Variants in MGAT4C observed in about 807,000 individuals in gnomAD.
MGAT4C encodes MGAT4 family member C.
In MGAT4C, 19 loss-of-function variants were observed where a neutral mutation model predicts 40.1. That is an observed-to-expected ratio of 0.47 (90% CI 0.33 to 0.70). MGAT4C has a LOEUF of 0.70. MGAT4C is among the 30% of genes least tolerant of loss of function. The pLI, the probability that MGAT4C is intolerant of heterozygous loss-of-function variation, is 0.02. For missense variants in MGAT4C, 491 were observed against 563.2 expected (o/e 0.87, Z 1.30); for synonymous variants, 181 against 187.1 (o/e 0.97, Z 0.27).
At chr12:86,647,671 C>A (rs1963580127) in intron 2 of MGAT4C, among the ~76,000 whole-genome samples, 1 of 151,856 alleles carries the variant, frequency 6.6e-6, no homozygotes. Context: ...CTGCCCCCAT[C>A]TGATATATAA....
chr12:85,987,096 G>GT (rs1451591522), intron 3 of MGAT4C, among the ~76,000 whole-genome samples: 1 of 98,726 alleles, frequency 1.0e-5, no homozygotes, highest in Admixed American at 9.8e-5. Context: ...TCCAACTTTT[G>GT]TAAGTATTTT....
chr12:86,570,311 T>TTGTC (rs111427199), intron 2 of MGAT4C, among the ~76,000 whole-genome samples: 2 of 151,490 alleles, frequency 1.3e-5, no homozygotes, highest in African/African-American at 4.9e-5. Context: ...TATATAATAT[T>TTGTC]TGTCAATTAA....
At chr12:86,141,889 G>C (rs1055978718) in intron 1 of MGAT4C, among the ~76,000 whole-genome samples, 2 of 152,118 alleles carry the variant, frequency 1.3e-5, no homozygotes, top group African/African-American at 4.8e-5. Context: ...GCCAAGAAGA[G>C]ACCCGACAAA....
chr12:86,502,680 T>TTCTGCTCATATATATACACGAGA lies in MGAT4C; in HGVS notation c.-228-67438_-228-67416dup, dbSNP rs1243462748. Among the ~76,000 whole-genome samples, 70 of 141,846 alleles carry TTCTGCTCATATATATACACGAGA rather than the reference T, an allele frequency of 4.9e-4. 1 individual carries two copies. Among genetic ancestry groups the TTCTGCTCATATATATACACGAGA allele is most frequent in the Admixed American group, 3.9e-3 (51 of 12,942 alleles). 93.1% of individuals were successfully genotyped at this position (141,846 alleles called of 152,430 possible). A position where few individuals can be genotyped will look rare whatever the true frequency, so the allele number is the denominator to read the frequency against. On this transcript the variant is annotated intron_variant, in intron 2 of 7. Coordinates refer to the MGAT4C transcript ENST00000548651. ...ATTTCTGCTCATATATATACACGAG[T>TTCTGCTCATATATATACACGAGA]TCTGCTCATATATATACACGAGATC...
chr12:86,802,353 TTC>T (rs576021772), intron 1 of MGAT4C, among the ~76,000 whole-genome samples: 76 of 152,080 alleles, frequency 5.0e-4, no homozygotes, highest in African/African-American at 1.8e-3. Flanking sequence ...TAACTAAATA[TTC>T]TGTTCCTTTT....
At chr12:86,173,825 A>T (rs1887105419) in intron 1 of MGAT4C, among the ~76,000 whole-genome samples, 1 of 152,012 alleles carries the variant, frequency 6.6e-6, no homozygotes, top group Non-Finnish European at 1.5e-5. Flanking sequence ...CGCATTCATG[A>T]CTTTACATTT....
At chr12:86,352,182 G>T (rs959365129) in intron 3 of MGAT4C, among the ~76,000 whole-genome samples, 2 of 151,976 alleles carry the variant, frequency 1.3e-5, no homozygotes, top group Admixed American at 1.3e-4. Flanking sequence ...CAAAAACAAT[G>T]AAAAGAGTTT....
intron 1 of MGAT4C, among the ~76,000 whole-genome samples, chr12:86,770,007 T>TAAA (rs1951600936): frequency 2.6e-5 from 4 of 151,906 alleles, no homozygotes; most frequent in African/African-American, 9.6e-5. Flanking sequence ...AAACTGAAAG[T>TAAA]ATAATAATAA....
chr12:86,147,419 T>C (rs1329114529), intron 1 of MGAT4C, among the ~76,000 whole-genome samples: 1 of 152,144 alleles, frequency 6.6e-6, no homozygotes, highest in Non-Finnish European at 1.5e-5. Flanking sequence ...TTTTTTGTAT[T>C]TTTAGTAGAG....
chr12:86,173,519 C>T (rs1042201226), intron 1 of MGAT4C, among the ~76,000 whole-genome samples: 2 of 152,060 alleles, frequency 1.3e-5, no homozygotes, highest in South Asian at 2.1e-4. Context: ...AGGAATTGGT[C>T]GCAATGAGCC....
intron 1 of MGAT4C, among the ~76,000 whole-genome samples, chr12:86,762,104 T>A (rs113301362): frequency 0.024 from 3,690 of 151,386 alleles, 146 homozygotes; most frequent in African/African-American, 0.085. Flanking sequence ...CAGGCTGGAG[T>A]GCAGTGGCAT....
At chr12:86,220,095 T>C (rs932915056) in intron 1 of MGAT4C, among the ~76,000 whole-genome samples, 2 of 152,068 alleles carry the variant, frequency 1.3e-5, no homozygotes, top group African/African-American at 2.4e-5. Flanking sequence ...GCCTCAAGGA[T>C]TGGCTTCACA....
rs143106023 is a variant in MGAT4C at position 86,170,045 on chromosome 12, C to G, written c.-57+86194G>C. 5.2e-3 allele frequency among the ~76,000 whole-genome samples: 797 copies of G among 152,202 alleles called. 7 individuals are homozygous for G. The highest frequency in any genetic ancestry group is 0.018 in the African/African-American group (759 of 41,522). On this transcript the variant is annotated intron_variant, in intron 1 of 4. Transcript: ENST00000611864. The stretch of plus-strand genomic sequence containing the variant: ...ATGTAAATTTAGTTCTTCCAACAAC[C>G]AGTATATGATTTAGAATGGAAGAAT...
intron 4 of MGAT4C, among the ~76,000 whole-genome samples, chr12:86,285,923 C>T (rs76504950): frequency 0.02 from 3,048 of 151,948 alleles, 96 homozygotes; most frequent in African/African-American, 0.069. Context: ...AACAGAACTC[C>T]ACATTTATAA....
chr12:86,634,368 T>C (rs1192684838), intron 2 of MGAT4C, among the ~76,000 whole-genome samples: 2 of 152,154 alleles, frequency 1.3e-5, no homozygotes, highest in Non-Finnish European at 2.9e-5. Context: ...ACTGAATTTA[T>C]GGAGTTGTTT....
chr12:86,208,583 TCTC>T (rs1950347535), intron 1 of MGAT4C, among the ~76,000 whole-genome samples: 1 of 152,312 alleles, frequency 6.6e-6, no homozygotes, highest in African/African-American at 2.4e-5. Flanking sequence ...ACCTGGGAGA[TCTC>T]CTTTGGAAAA....
chr12:86,676,586 G>T (rs986806149), intron 2 of MGAT4C, among the ~76,000 whole-genome samples: 1 of 152,118 alleles, frequency 6.6e-6, no homozygotes, highest in African/African-American at 2.4e-5. Context: ...AGTCAGTTTA[G>T]AAGTCACTGC....
chr12:86,693,480 G>C (rs1296526684), intron 2 of MGAT4C, among the ~76,000 whole-genome samples: 1 of 151,978 alleles, frequency 6.6e-6, no homozygotes, highest in African/African-American at 2.4e-5. Flanking sequence ...TGATATTTTT[G>C]ATATCAGTCT....
At chr12:86,478,429 C>T (rs2136310512) in intron 2 of MGAT4C, among the ~76,000 whole-genome samples, 1 of 152,150 alleles carries the variant, frequency 6.6e-6, no homozygotes, top group South Asian at 2.1e-4. Context: ...TAGTGAACTG[C>T]CAGAGCGAGG....
Sources: gnomAD v4.1 joint callset for allele counts (sites outside exome capture counted in the v4.1 genomes callset) on GRCh38, gnomAD v4.1.1 for gene constraint, MANE v1.5 for transcripts, NCBI Gene and HGNC (gene_info 2026-07-23, HGNC 2026-07-21) for gene names.